MYRIP: variants seen among roughly 807,000 people sequenced by gnomAD.
MYRIP encodes rab effector MyRIP.
In MYRIP, 49 loss-of-function variants were observed where a neutral mutation model predicts 98.0. That is an observed-to-expected ratio of 0.50 (90% CI 0.40 to 0.63). MYRIP has a LOEUF of 0.63. MYRIP is among the 30% of genes least tolerant of loss of function. The pLI, the probability that MYRIP is intolerant of heterozygous loss-of-function variation, is 0.00. For missense variants in MYRIP, 1,004 were observed against 1,058.2 expected (o/e 0.95, Z 0.71); for synonymous variants, 404 against 409.5 (o/e 0.99, Z 0.16).
chr3:40,184,029 C>T (rs1030492891), intron 9 of MYRIP, among the ~76,000 whole-genome samples: 2 of 152,222 alleles, frequency 1.3e-5, no homozygotes, highest in Non-Finnish European at 2.9e-5. Flanking sequence ...AGTGCCATGA[C>T]ATTGCAGAAA....
intron 2 of MYRIP, among the ~76,000 whole-genome samples, chr3:39,991,940 T>C (rs892272437): frequency 9.2e-5 from 14 of 152,234 alleles, no homozygotes; most frequent in African/African-American, 3.4e-4. Context: ...CTAAGGGCTC[T>C]ATAAGTATAT....
At chr3:39,876,804 C>G (rs1435861047) in intron 1 of MYRIP, among the ~76,000 whole-genome samples, 2 of 152,122 alleles carry the variant, frequency 1.3e-5, no homozygotes, top group African/African-American at 4.8e-5. Flanking sequence ...TTTGGTGAAT[C>G]TGACAATTAT....
rs1026439837 is a variant in MYRIP, at chr3:39,876,211, G to A, written c.-30-24576G>A. ...TTTGCTTGGTAGATCTTCTTCCATCGTTTTATTTTGAACCTATGTGTGTCT... is the reference window on the plus strand; with the variant it reads ...TTTGCTTGGTAGATCTTCTTCCATCATTTTATTTTGAACCTATGTGTGTCT... On this transcript the variant is annotated intron_variant, in intron 1 of 16. Coordinates refer to ENST00000302541, the MANE Select transcript of MYRIP (RefSeq NM_015460.4). 7.9e-3 allele frequency among the ~76,000 whole-genome samples: 1,193 copies of A among 151,604 alleles called. 18 individuals are homozygous for A. The highest frequency in any genetic ancestry group is 0.027 in the African/African-American group (1,128 of 41,078).
Position 40,067,800 on chromosome 3 carries a change from T to A in MYRIP, c.332+23529T>A, listed in dbSNP as rs79107936. 9.1e-4 allele frequency among the ~76,000 whole-genome samples: 139 copies of A among 152,298 alleles called. 1 individual carries two copies. In the East Asian group the frequency reaches 0.025, roughly 27 times the overall value. ...AATGCTAACAGTTATAAGGTGCTTA[T>A]CAGATGCCAGGCATTGTGAATAATC... On this transcript the variant is annotated intron_variant, in intron 3 of 16. Coordinates refer to ENST00000302541, the MANE Select transcript of MYRIP (RefSeq NM_015460.4).
chr3:40,009,479 G>A (rs566704478), intron 2 of MYRIP, among the ~76,000 whole-genome samples: 21 of 152,068 alleles, frequency 1.4e-4, no homozygotes, highest in Non-Finnish European at 2.8e-4. Flanking sequence ...CTCATGATCC[G>A]CCCGCCTCGG....
intron 2 of MYRIP, among the ~76,000 whole-genome samples, chr3:39,986,103 G>A (rs1278054563): frequency 1.3e-5 from 2 of 152,144 alleles, no homozygotes; most frequent in Non-Finnish European, 2.9e-5. Context: ...TCAGTGTGAT[G>A]TTCAATATTA....
chr3:40,211,811 C>A (rs1799426), intron 11 of MYRIP, among the ~76,000 whole-genome samples: 69,088 of 151,642 alleles, frequency 0.46, 16,655 homozygotes, highest in Non-Finnish European at 0.55. Flanking sequence ...CAAGGAGCAA[C>A]CTCCTGGAGG....
chr3:39,915,776 T>G (rs968646711), intron 2 of MYRIP, among the ~76,000 whole-genome samples: 4 of 151,720 alleles, frequency 2.6e-5, no homozygotes, highest in African/African-American at 9.7e-5. Flanking sequence ...AAAAATGACA[T>G]CTGAGACAGC....
At chr3:40,177,061 C>CAAG (rs1201541571) in intron 8 of MYRIP, among the ~76,000 whole-genome samples, 1 of 150,224 alleles carries the variant, frequency 6.7e-6, no homozygotes, top group African/African-American at 2.5e-5. Flanking sequence ...GGCAACAGAG[C>CAAG]AAGACCCTGT....
chr3:39,929,902 A>G (rs1944499280), intron 2 of MYRIP, among the ~76,000 whole-genome samples: 1 of 152,044 alleles, frequency 6.6e-6, no homozygotes, highest in Admixed American at 6.6e-5. Flanking sequence ...AGCGTGTATC[A>G]GTATTTCATC....
At chr3:39,811,571 G>A (rs77825791) in intron 1 of MYRIP, among the ~76,000 whole-genome samples, 2 of 151,848 alleles carry the variant, frequency 1.3e-5, no homozygotes, top group Non-Finnish European at 2.9e-5. Flanking sequence ...GGGCAGCTGC[G>A]TCTCTCCTAA....
chr3:40,036,302 C>CAA (rs71091786), intron 2 of MYRIP, among the ~76,000 whole-genome samples: 36,605 of 64,202 alleles, frequency 0.57, 9,525 homozygotes, highest in Non-Finnish European at 0.65. Context: ...CAACTGATAC[C>CAA]AAAAAAAAAA....
intron 1 of MYRIP, among the ~76,000 whole-genome samples, chr3:39,880,769 G>C (rs961764644): frequency 2.0e-5 from 3 of 152,042 alleles, no homozygotes; most frequent in African/African-American, 7.2e-5. Context: ...ACATTTTGTT[G>C]TTATTATTTA....
intron 1 of MYRIP, among the ~76,000 whole-genome samples, chr3:39,883,226 T>C (rs1575340668): frequency 6.6e-6 from 1 of 152,280 alleles, no homozygotes; most frequent in South Asian, 2.1e-4. Flanking sequence ...TCTCAAAAAG[T>C]CTTACCTGTT....
intron 2 of MYRIP, among the ~76,000 whole-genome samples, chr3:39,933,286 A>C (rs769810952): frequency 7.9e-5 from 12 of 152,226 alleles, no homozygotes; most frequent in Non-Finnish European, 1.6e-4. Flanking sequence ...CTTCAGTGCT[A>C]CAAAAGCAGA....
intron 16 of MYRIP, among the ~76,000 whole-genome samples, chr3:40,257,801 T>C (rs866402717): frequency 2.6e-5 from 4 of 152,198 alleles, no homozygotes; most frequent in Non-Finnish European, 5.9e-5. Flanking sequence ...TATGAGAATG[T>C]GTTATATTAT....
At chr3:40,234,118 TA>T (rs1952750664) in intron 12 of MYRIP, 65 bp downstream of exon 12, 2 of 1,492,886 alleles carry the variant, frequency 1.3e-6, no homozygotes, top group South Asian at 2.7e-5. Flanking sequence ...GATGAAATTG[TA>T]GCTTATCGTG....
At chr3:40,162,150 C>T (rs145327418) in intron 4 of MYRIP, among the ~76,000 whole-genome samples, 2 of 152,264 alleles carry the variant, frequency 1.3e-5, no homozygotes, top group Admixed American at 1.3e-4. Flanking sequence ...TTTCACTGTG[C>T]TGTGAACCAT....
intron 3 of MYRIP, among the ~76,000 whole-genome samples, chr3:40,072,593 C>A (rs1182317075): frequency 6.6e-6 from 1 of 152,156 alleles, no homozygotes; most frequent in African/African-American, 2.4e-5. Context: ...TCACTCAATT[C>A]AAAATATATT....
Sources: allele counts gnomAD v4.1 joint callset (sites outside exome capture counted in the v4.1 genomes callset), GRCh38; gene constraint gnomAD v4.1.1; transcripts MANE v1.5; gene names NCBI Gene and HGNC (gene_info 2026-07-23, HGNC 2026-07-21).